MDGA2: variants seen among roughly 807,000 people sequenced by gnomAD.
The protein encoded by MDGA2 is MAM domain containing glycosylphosphatidylinositol anchor 2.
In MDGA2, 40 loss-of-function variants were observed where a neutral mutation model predicts 117.8. The observed-to-expected ratio is 0.34, with a 90% CI of 0.26 to 0.44. The LOEUF (loss-of-function observed/expected upper bound fraction) is 0.44. Ranked by LOEUF, MDGA2 falls within the 20% of genes least tolerant of loss-of-function variation. MDGA2 has a pLI of 1.00. For synonymous variants in MDGA2, 452 were observed against 439.0 expected (o/e 1.03, Z -0.37); for missense variants, 1,123 against 1,250.6 (o/e 0.90, Z 1.54).
intron 1 of MDGA2, among the ~76,000 whole-genome samples, chr14:47,483,834 T>A (rs1371192050): frequency 6.6e-6 from 1 of 152,190 alleles, no homozygotes; most frequent in Non-Finnish European, 1.5e-5. Context: ...AACAGCATGA[T>A]ATTATAAAGA....
intron 1 of MDGA2, among the ~76,000 whole-genome samples, chr14:47,588,261 T>C (rs10135652): frequency 1.9e-3 from 194 of 103,804 alleles, no homozygotes; most frequent in East Asian, 7.4e-3. Flanking sequence ...TATATATATA[T>C]ACACACACAC....
intron 2 of MDGA2, among the ~76,000 whole-genome samples, chr14:47,268,372 G>A (rs756394844): frequency 1.3e-5 from 2 of 151,954 alleles, no homozygotes; most frequent in Non-Finnish European, 2.9e-5. Context: ...AGTGCGCCAG[G>A]CCCTTATTTC....
chr14:46,857,390 G>GT (rs142269394), intron 14 of MDGA2, among the ~76,000 whole-genome samples: 41 of 151,730 alleles, frequency 2.7e-4, no homozygotes, highest in African/African-American at 7.0e-4. Context: ...ATTCAGGCGG[G>GT]TTTTTTTTCC....
chr14:47,652,496 T>C (rs994807369), intron 1 of MDGA2, among the ~76,000 whole-genome samples: 3 of 152,210 alleles, frequency 2.0e-5, no homozygotes, highest in Non-Finnish European at 4.4e-5. Context: ...AAAGTCAGTT[T>C]CCTTTATCTG....
Position 47,041,269 on chromosome 14 carries a change from A to T in MDGA2, c.1526-5965T>A, listed in dbSNP as rs190477102. Reference sequence around the variant, plus strand: ...ATAGATAAGTTATGAATTATTTTTTAAAAAAACAGAGGAAAGAGGCAATTT... The same window carrying T: ...ATAGATAAGTTATGAATTATTTTTTTAAAAAACAGAGGAAAGAGGCAATTT... On this transcript the variant is annotated intron_variant, in intron 7 of 16. Coordinates refer to ENST00000399232, the MANE Select transcript of MDGA2 (RefSeq NM_001113498.3). 2.2e-4 allele frequency among the ~76,000 whole-genome samples: 34 copies of T among 152,100 alleles called. No individual in the cohort carries two copies. In the East Asian group the frequency reaches 2.7e-3, roughly 12 times the overall value.
At chr14:47,125,595 G>GA (rs926736158) in intron 5 of MDGA2, among the ~76,000 whole-genome samples, 12 of 151,582 alleles carry the variant, frequency 7.9e-5, no homozygotes, top group East Asian at 3.9e-4. Context: ...GAAGAGAAAG[G>GA]AAAAAAAATT....
intron 1 of MDGA2, among the ~76,000 whole-genome samples, chr14:47,528,313 T>C (rs1432609348): frequency 2.0e-5 from 3 of 152,214 alleles, no homozygotes; most frequent in Non-Finnish European, 4.4e-5. Context: ...GATGTTAGCA[T>C]GCAGAATAAA....
chr14:47,526,403 AT>A (rs1216691723), intron 1 of MDGA2, among the ~76,000 whole-genome samples: 1 of 152,034 alleles, frequency 6.6e-6, no homozygotes, highest in East Asian at 1.9e-4. Context: ...GAGTTTTGGG[AT>A]TTGTTAGGGA....
chr14:47,518,482 CT>C (rs879732490), intron 1 of MDGA2, among the ~76,000 whole-genome samples: 6 of 152,038 alleles, frequency 3.9e-5, no homozygotes, highest in Admixed American at 3.9e-4. Context: ...AAACATTAAG[CT>C]TTTTATTATT....
chr14:47,540,952 C>T (rs946013946), intron 1 of MDGA2, among the ~76,000 whole-genome samples: 3 of 152,042 alleles, frequency 2.0e-5, no homozygotes, highest in African/African-American at 7.2e-5. Context: ...GGTTTCTTCA[C>T]TATATTATAT....
intron 3 of MDGA2, among the ~76,000 whole-genome samples, chr14:47,181,334 T>C (rs1298552403): frequency 6.6e-6 from 1 of 152,072 alleles, no homozygotes; most frequent in Non-Finnish European, 1.5e-5. Flanking sequence ...ACATGTGGTG[T>C]TTGGTTTTCT....
At chr14:46,926,865 TA>T (rs958433627) in intron 9 of MDGA2, among the ~76,000 whole-genome samples, 3 of 151,250 alleles carry the variant, frequency 2.0e-5, no homozygotes, top group South Asian at 2.1e-4. Flanking sequence ...ACTGCCTATA[TA>T]AAAAAAAAGA....
At chr14:47,286,470 A>C (rs78017699) in intron 2 of MDGA2, among the ~76,000 whole-genome samples, 22,204 of 151,934 alleles carry the variant, frequency 0.15, 1,982 homozygotes, top group South Asian at 0.27. Flanking sequence ...TGTTAGTGAG[A>C]ACATGTAACA....
At chr14:47,318,666 T>C (rs958492638) in intron 1 of MDGA2, among the ~76,000 whole-genome samples, 1 of 151,998 alleles carries the variant, frequency 6.6e-6, no homozygotes, top group Admixed American at 6.6e-5. Flanking sequence ...GACCAAGCAA[T>C]GTGACCAGCA....
chr14:47,289,499 A>T (rs1220167752), intron 2 of MDGA2, among the ~76,000 whole-genome samples: 1 of 151,990 alleles, frequency 6.6e-6, no homozygotes, highest in Non-Finnish European at 1.5e-5. Flanking sequence ...CCATTTGGTG[A>T]TCTTCCTACT....
intron 10 of MDGA2, among the ~76,000 whole-genome samples, chr14:46,890,921 A>G (rs2138417022): frequency 6.6e-6 from 1 of 152,252 alleles, no homozygotes; most frequent in East Asian, 1.9e-4. Flanking sequence ...ATAAAGTTAA[A>G]TATGTAGTTC....
rs148329454 is a variant in MDGA2 at position 47,573,806 on chromosome 14, A to G, written c.280+100711T>C. 2.0e-5 allele frequency among the ~76,000 whole-genome samples: 3 copies of G among 152,282 alleles called. No individual in the cohort carries two copies. In the East Asian group the frequency reaches 5.8e-4, roughly 29 times the overall value. On this transcript the variant is annotated intron_variant, in intron 1 of 16. Coordinates refer to ENST00000399232, the MANE Select transcript of MDGA2 (RefSeq NM_001113498.3). ...ACATGGAAGGAGTGTTTTACAACTC[A>G]TGCATTTGTTAACCTTATTTTAAAA...
intron 9 of MDGA2, among the ~76,000 whole-genome samples, chr14:46,956,741 G>A (rs1266792471): frequency 6.6e-6 from 1 of 152,100 alleles, no homozygotes; most frequent in Non-Finnish European, 1.5e-5. Flanking sequence ...TAACTGATAT[G>A]GTTTGGCTCT....
At chr14:46,978,215 A>T (rs1391837350) in intron 8 of MDGA2, among the ~76,000 whole-genome samples, 2 of 151,986 alleles carry the variant, frequency 1.3e-5, no homozygotes, top group Admixed American at 1.3e-4. Context: ...ACATTGTCTT[A>T]ATTTACTCTT....
Sources: gnomAD v4.1 joint callset for allele counts (sites outside exome capture counted in the v4.1 genomes callset) on GRCh38, gnomAD v4.1.1 for gene constraint, MANE v1.5 for transcripts, NCBI Gene and HGNC (gene_info 2026-07-23, HGNC 2026-07-21) for gene names.